ATP6V1H: variants seen among roughly 807,000 people sequenced by gnomAD.
The protein encoded by ATP6V1H is ATPase H+ transporting V1 subunit H, also known as V-type proton ATPase subunit H.
Under a neutral mutation model 71.7 loss-of-function variants are expected in ATP6V1H, and 39 were observed. The ratio of observed to expected loss-of-function variants is 0.54; its 90% CI spans 0.42 to 0.71. ATP6V1H has a LOEUF of 0.71. Ranked by LOEUF, ATP6V1H falls within the 30% of genes least tolerant of loss-of-function variation. The pLI is 0.00. For missense variants in ATP6V1H, 509 were observed against 594.9 expected (o/e 0.86, Z 1.50); for synonymous variants, 192 against 199.3 (o/e 0.96, Z 0.31).
chr8:53,805,251 T>C lies in ATP6V1H; in HGVS notation c.580-3355A>G, dbSNP rs139838861. 3.0e-4 allele frequency among the ~76,000 whole-genome samples: 45 copies of C among 152,342 alleles called. 1 individual carries two copies. The East Asian group carries it at 8.5e-3, about 29-fold the overall frequency. Reference sequence around the variant, plus strand: ...AAGTCTGCTTGGAGTAAAAGGCATCTGTTCCACAGATTCATGGTGAAAATG... The same window carrying C: ...AAGTCTGCTTGGAGTAAAAGGCATCCGTTCCACAGATTCATGGTGAAAATG... On this transcript the variant is annotated intron_variant, in intron 7 of 13. Transcript: ENST00000359530.
rs1010614836 is a variant in ATP6V1H, at chr8:53,715,668, T to C, written c.*296A>G. The C allele has an allele frequency of 3.5e-6, 1 of 284,100 alleles. No individual in the cohort carries two copies. The highest frequency in any genetic ancestry group is 2.2e-5 in the African/African-American group (1 of 45,906). 17.6% of individuals were successfully genotyped at this position (284,100 alleles called of 1,614,324 possible). A position where few individuals can be genotyped will look rare whatever the true frequency, so the allele number is the denominator to read the frequency against. The stretch of plus-strand genomic sequence containing the variant: ...AAAGTCCAAGTAAAGAGAGAGGCCA[T>C]GTTTGGAGTGAGAATCCTTTAATAA... On this transcript the variant is annotated 3_prime_UTR_variant, in exon 14 of 14. Coordinates refer to ENST00000359530, the MANE Select transcript of ATP6V1H (RefSeq NM_015941.4).
intron 12 of ATP6V1H, among the ~76,000 whole-genome samples, chr8:53,748,549 T>G (rs1251440697): frequency 6.6e-6 from 1 of 152,206 alleles, no homozygotes; most frequent in East Asian, 1.9e-4. Flanking sequence ...TTGAGTGAAC[T>G]AGAGCATGTG....
At chr8:53,744,272 A>G (rs768597678) in intron 12 of ATP6V1H, among the ~76,000 whole-genome samples, 2 of 151,964 alleles carry the variant, frequency 1.3e-5, no homozygotes, top group African/African-American at 4.8e-5. Context: ...GAGAACATTC[A>G]TATCTTCGAG....
chr8:53,734,768 G>A (rs986521667), intron 13 of ATP6V1H, among the ~76,000 whole-genome samples: 1 of 152,028 alleles, frequency 6.6e-6, no homozygotes, highest in Non-Finnish European at 1.5e-5. Context: ...GCATCCACCC[G>A]CTACCGGGCG....
chr8:53,780,147 A>G (rs1427652464), intron 9 of ATP6V1H, among the ~76,000 whole-genome samples: 1 of 149,390 alleles, frequency 6.7e-6, no homozygotes, highest in African/African-American at 2.5e-5. Context: ...TGACAGGGTG[A>G]GACTCCATCT....
intron 13 of ATP6V1H, among the ~76,000 whole-genome samples, chr8:53,724,074 C>T (rs75994018): frequency 0.01 from 1,527 of 152,276 alleles, 16 homozygotes; most frequent in Middle Eastern, 0.034. Flanking sequence ...TTTTCTTAAA[C>T]ATTTCAAACA....
intron 13 of ATP6V1H, among the ~76,000 whole-genome samples, chr8:53,719,407 G>A (rs1017165044): frequency 6.6e-6 from 1 of 152,186 alleles, no homozygotes; most frequent in Non-Finnish European, 1.5e-5. Context: ...CTGACCTCGT[G>A]ATCTGCCTGC....
Position 53,780,624 on chromosome 8 carries a change from T to C in ATP6V1H, c.871-8457A>G, listed in dbSNP as rs531179166. ...GTTACATATGTAGCCATGTGCCATG[T>C]TGGTGTGCTGCACCCATTAACTAGT... On this transcript the variant is annotated intron_variant, in intron 9 of 13. Coordinates refer to ENST00000359530, the MANE Select transcript of ATP6V1H (RefSeq NM_015941.4). Among the ~76,000 whole-genome samples the C allele has an allele frequency of 2.2e-3, 338 of 152,266 alleles. 2 individuals carry two copies. Among genetic ancestry groups the C allele is most frequent in the African/African-American group, 7.8e-3 (324 of 41,550 alleles).
Position 53,716,000 on chromosome 8 carries a change from C to A in ATP6V1H, c.1416G>T (p.Gln472His). 6.2e-7 allele frequency: 1 copy of A among 1,607,288 alleles called. No individual in the cohort carries two copies. Among genetic ancestry groups the A allele is most frequent in the South Asian group, 1.1e-5 (1 of 88,824 alleles). The change falls in exon 14 of 14, where the codon CAG (glutamine) becomes CAT (histidine). Residue 472 changes from glutamine (Q) to histidine (H), a missense_variant. Physicochemically the swap from Gln to His is conservative, Grantham distance 24. This residue lies in a region of ATP6V1H where 212 missense variants were observed against 291.6 expected (regional missense o/e 0.73). Coordinates refer to ENST00000359530, the MANE Select transcript of ATP6V1H (RefSeq NM_015941.4). ...HNWEYLGKQL[Q>H]SEQPQTAAAR... ...CGGCAGCGGTCTGGGGCTGCTCGGACTGGAGCTGCTTGCCAAGGTATTCCC... is the reference window on the plus strand; with the variant it reads ...CGGCAGCGGTCTGGGGCTGCTCGGAATGGAGCTGCTTGCCAAGGTATTCCC...
chr8:53,728,322 G>A (rs1806889313), intron 13 of ATP6V1H, among the ~76,000 whole-genome samples: 1 of 152,142 alleles, frequency 6.6e-6, no homozygotes. Flanking sequence ...CCCAGGAAGG[G>A]GGCACATGCA....
At chr8:53,802,698 C>T (rs964957969) in intron 7 of ATP6V1H, among the ~76,000 whole-genome samples, 1 of 151,624 alleles carries the variant, frequency 6.6e-6, no homozygotes, top group South Asian at 2.1e-4. Flanking sequence ...CCAGCCTGGA[C>T]GACAGAGTGA....
chr8:53,815,149 C>T (rs1810404034), intron 5 of ATP6V1H, among the ~76,000 whole-genome samples: 1 of 152,150 alleles, frequency 6.6e-6, no homozygotes, highest in Admixed American at 6.5e-5. Context: ...AACAAACTGC[C>T]AGCCTCTCCC....
chr8:53,800,422 T>C (rs1284335186), intron 8 of ATP6V1H, among the ~76,000 whole-genome samples: 1 of 152,224 alleles, frequency 6.6e-6, no homozygotes, highest in Non-Finnish European at 1.5e-5. Context: ...TCACAATTAT[T>C]AGATTATTCA....
At chr8:53,760,485 G>A (rs1388077475) in intron 11 of ATP6V1H, among the ~76,000 whole-genome samples, 1 of 152,158 alleles carries the variant, frequency 6.6e-6, no homozygotes, top group Admixed American at 6.5e-5. Flanking sequence ...GATCTCCCAA[G>A]TCATCCACTT....
At chr8:53,724,377 T>C (rs1049038937) in intron 13 of ATP6V1H, among the ~76,000 whole-genome samples, 1 of 152,084 alleles carries the variant, frequency 6.6e-6, no homozygotes, top group African/African-American at 2.4e-5. Context: ...TTCCCTAATA[T>C]CCTTTTTCTC....
intron 3 of ATP6V1H, among the ~76,000 whole-genome samples, chr8:53,831,376 T>C (rs1811000631): frequency 6.6e-6 from 1 of 152,168 alleles, no homozygotes. Context: ...TGTCTAAACA[T>C]AAACATAGAA....
chr8:53,826,628 G>A, intron 4 of ATP6V1H, among the ~76,000 whole-genome samples: 1 of 151,860 alleles, frequency 6.6e-6, no homozygotes, highest in East Asian at 1.9e-4. Context: ...GCCTGTCTAT[G>A]TTCACAGAAA....
At chr8:53,723,951 C>G (rs975366322) in intron 13 of ATP6V1H, among the ~76,000 whole-genome samples, 3 of 152,114 alleles carry the variant, frequency 2.0e-5, no homozygotes, top group Non-Finnish European at 4.4e-5. Context: ...TCACCAACCC[C>G]CTCTGTCAAA....
At chr8:53,732,292 C>A (rs939919732) in intron 13 of ATP6V1H, among the ~76,000 whole-genome samples, 1 of 152,008 alleles carries the variant, frequency 6.6e-6, no homozygotes, top group African/African-American at 2.4e-5. Flanking sequence ...TAAGCCCACC[C>A]TGCTAGGAAC....
Sources: allele counts gnomAD v4.1 joint callset (sites outside exome capture counted in the v4.1 genomes callset), GRCh38; gene constraint gnomAD v4.1.1; regional missense constraint gnomAD v4.1.1; transcripts MANE v1.5; gene names NCBI Gene and HGNC (gene_info 2026-07-23, HGNC 2026-07-21).